The following DNM3 variants were observed in gnomAD, a reference collection of about 807,000 sequenced individuals.
DNM3 encodes dynamin-3.
DNM3 carries 47 observed loss-of-function variants against 101.6 expected under a neutral mutation model. The observed-to-expected ratio is 0.46, with a 90% CI of 0.37 to 0.59. The LOEUF (loss-of-function observed/expected upper bound fraction) is 0.59, where lower values mean the gene tolerates loss of function less well. Ranked by LOEUF, DNM3 falls within the 20% of genes least tolerant of loss-of-function variation. The pLI, the probability that DNM3 is intolerant of heterozygous loss-of-function variation, is 0.00. For missense variants in DNM3, 849 were observed against 1,085.7 expected, an observed-to-expected ratio of 0.78 and a Z score of 3.06; for synonymous variants, 385 against 387.9, an observed-to-expected ratio of 0.99 and a Z score of 0.09.
At chr1:172,360,615 A>G (rs941068066) in intron 17 of DNM3, among the ~76,000 whole-genome samples, 1 of 152,028 alleles carries the variant, frequency 6.6e-6, no homozygotes, top group African/African-American at 2.4e-5. Flanking sequence ...AACAAGTGCT[A>G]AGAACAATGG....
intron 14 of DNM3, among the ~76,000 whole-genome samples, chr1:172,251,261 A>G (rs2062157849): frequency 6.7e-6 from 1 of 149,922 alleles, no homozygotes; most frequent in Non-Finnish European, 1.5e-5. Context: ...CTCCTTCTCT[A>G]TTTCTTTTGT....
At chr1:172,169,522 G>A (rs2058872265) in intron 14 of DNM3, among the ~76,000 whole-genome samples, 1 of 151,892 alleles carries the variant, frequency 6.6e-6, no homozygotes, top group Admixed American at 6.6e-5. Flanking sequence ...TGGCTTCTAA[G>A]GCCATGGCCA....
At chr1:172,358,694 T>C (rs1428415256) in intron 17 of DNM3, among the ~76,000 whole-genome samples, 1 of 152,104 alleles carries the variant, frequency 6.6e-6, no homozygotes, top group South Asian at 2.1e-4. Context: ...AAGGAGTCTC[T>C]CTCAGTTTGA....
At chr1:171,934,900 T>A (rs1407610396) in intron 2 of DNM3, among the ~76,000 whole-genome samples, 3 of 152,186 alleles carry the variant, frequency 2.0e-5, no homozygotes, top group African/African-American at 4.8e-5. Context: ...TTTGATGCTA[T>A]TTTCATTTAG....
At chr1:172,342,196 GT>G in intron 17 of DNM3, among the ~76,000 whole-genome samples, 1 of 152,266 alleles carries the variant, frequency 6.6e-6, no homozygotes, top group Middle Eastern at 3.4e-3. Flanking sequence ...GGAAAGCAGT[GT>G]GGCGTTTCCT....
chr1:172,119,018 G>A (rs1284116990), intron 13 of DNM3, among the ~76,000 whole-genome samples: 2 of 149,790 alleles, frequency 1.3e-5, no homozygotes, highest in Admixed American at 6.6e-5. Context: ...TTGAGACAGA[G>A]TTTCACTCTT....
At position 172,003,142 on chromosome 1, in the gene DNM3, C is replaced by T. The variant is rs569741278; in HGVS notation, c.589+13994C>T. On this transcript the variant is annotated intron_variant, in intron 4 of 20. Coordinates refer to ENST00000627582, the MANE Select transcript of DNM3 (RefSeq NM_015569.5). ...AATCTTCATTTTTTTCAGAAATTCT[C>T]TTTATATTAATATATGGATGTTGCA... Among the ~76,000 whole-genome samples, 15 of 151,948 alleles carry T rather than the reference C, an allele frequency of 9.9e-5. No individual in the cohort carries two copies. The South Asian group carries it at 3.1e-3, about 32-fold the overall frequency.
At chr1:172,262,063 G>A (rs996036206) in intron 15 of DNM3, among the ~76,000 whole-genome samples, 2 of 152,296 alleles carry the variant, frequency 1.3e-5, no homozygotes, top group Non-Finnish European at 2.9e-5. Context: ...CAGACCACTG[G>A]AAAAATGCTT....
At chr1:172,196,136 G>T (rs1345561991) in intron 14 of DNM3, among the ~76,000 whole-genome samples, 4 of 151,302 alleles carry the variant, frequency 2.6e-5, no homozygotes, top group African/African-American at 9.7e-5. Context: ...AGCTCCCACC[G>T]ATAAGTGAGA....
At chr1:172,255,642 G>A (rs996643218) in intron 15 of DNM3, among the ~76,000 whole-genome samples, 112 of 152,226 alleles carry the variant, frequency 7.4e-4, no homozygotes, top group African/African-American at 2.6e-3. Flanking sequence ...AAAAGGTATT[G>A]AATTCTGCTG....
At chr1:172,335,922 G>A (rs1471742595) in intron 17 of DNM3, among the ~76,000 whole-genome samples, 10 of 152,100 alleles carry the variant, frequency 6.6e-5, no homozygotes, top group South Asian at 2.1e-4. Context: ...AAACCTGCAC[G>A]TTTACCCCCT....
intron 4 of DNM3, among the ~76,000 whole-genome samples, chr1:172,010,891 C>T (rs1442464902): frequency 6.6e-6 from 1 of 151,288 alleles, no homozygotes; most frequent in Non-Finnish European, 1.5e-5. Flanking sequence ...TCCATTGCTT[C>T]TAGGTAGGAT....
At chr1:172,418,177 A>G (rs2071497707) in intron 20 of DNM3, 1 of 914,840 alleles carries the variant, frequency 1.1e-6, no homozygotes, top group African/African-American at 1.7e-5. Context: ...CTATTTTTGC[A>G]TGCTATTATT....
chr1:171,858,829 C>T (rs1271047458), intron 1 of DNM3, among the ~76,000 whole-genome samples: 6 of 152,150 alleles, frequency 3.9e-5, no homozygotes, highest in African/African-American at 1.4e-4. Context: ...GATCTCCAGA[C>T]AGCTTAATTT....
At chr1:172,106,961 C>T (rs2055090055) in intron 13 of DNM3, among the ~76,000 whole-genome samples, 1 of 143,124 alleles carries the variant, frequency 7.0e-6, no homozygotes, top group East Asian at 2.1e-4. Flanking sequence ...CCCGGGTTCA[C>T]GCCATTCTCC....
intron 15 of DNM3, among the ~76,000 whole-genome samples, chr1:172,279,983 T>C (rs1023706882): frequency 6.6e-6 from 1 of 152,198 alleles, no homozygotes; most frequent in Admixed American, 6.6e-5. Flanking sequence ...AAATTTATCA[T>C]GGCCTATGAG....
intron 2 of DNM3, among the ~76,000 whole-genome samples, chr1:171,975,577 CA>C (rs1270282621): frequency 2.0e-5 from 3 of 152,148 alleles, no homozygotes; most frequent in Non-Finnish European, 2.9e-5. Flanking sequence ...GAGCAAGCAT[CA>C]TGGGAACATA....
intron 15 of DNM3, among the ~76,000 whole-genome samples, chr1:172,263,807 C>G (rs2062758000): frequency 6.6e-6 from 1 of 152,150 alleles, no homozygotes; most frequent in South Asian, 2.1e-4. Context: ...CCATATCATA[C>G]TCCAATTAAA....
At chr1:172,091,417 G>A (rs977405737) in intron 12 of DNM3, among the ~76,000 whole-genome samples, 2 of 152,164 alleles carry the variant, frequency 1.3e-5, no homozygotes, top group East Asian at 1.9e-4. Context: ...GGAGGGATGC[G>A]GTTATAAATA....
Sources: allele counts gnomAD v4.1 joint callset (sites outside exome capture counted in the v4.1 genomes callset), GRCh38; gene constraint gnomAD v4.1.1; transcripts MANE v1.5; gene names NCBI Gene and HGNC (gene_info 2026-07-23, HGNC 2026-07-21).